ADAMTS1: variants seen among roughly 807,000 people sequenced by gnomAD.
ADAMTS1 encodes ADAM metallopeptidase with thrombospondin type 1 motif 1, also known as A disintegrin and metalloproteinase with thrombospondin motifs 1.
ADAMTS1 carries 19 observed loss-of-function variants against 87.9 expected under a neutral mutation model. The observed-to-expected ratio is 0.22, with a 90% CI of 0.15 to 0.32. The LOEUF (loss-of-function observed/expected upper bound fraction) is 0.32. Ranked by LOEUF, ADAMTS1 falls within the 10% of genes least tolerant of loss-of-function variation. The probability of loss-of-function intolerance (pLI) is 1.00; values close to 1 mark genes in which losing one functional copy is unlikely to be tolerated. For synonymous variants in ADAMTS1, 542 were observed against 501.8 expected (o/e 1.08, Z -1.07); for missense variants, 1,240 against 1,259.1 (o/e 0.98, Z 0.23).
At chr21:26,839,439 T>G in intron 7 of ADAMTS1, 148 bp downstream of exon 7, 1 of 711,978 alleles carries the variant, frequency 1.4e-6, no homozygotes, top group Non-Finnish European at 2.2e-6. Context: ...AGCAGGCAGT[T>G]GCCAATTAAT....
In ADAMTS1 at chr21:26,840,042, C is replaced by A. The variant is rs745808949; in HGVS notation, c.1685G>T (p.Trp562Leu). The A allele has an allele frequency of 6.2e-7, 1 of 1,613,346 alleles. No homozygotes were observed. Among genetic ancestry groups the A allele is most frequent in the Non-Finnish European group, 8.5e-7 (1 of 1,179,826 alleles). ...GTCTCCCCAAGGCCCCCACATTCCC[C>A]AGCTTCCATGAAAAGGCGTCTAAAT... ...KHFDTPFHGS[W>L]GMWGPWGDCS... Residue 562 changes from tryptophan to leucine, a missense_variant, in exon 6 of 9, where the codon TGG (tryptophan) becomes TTG (leucine). Around this residue, in one of 3 missense-constraint regions of ADAMTS1, gnomAD observed 317 missense variants for 410.3 expected, o/e 0.77. Transcript: ENST00000284984.
chr21:26,842,814 A>G (rs1204299639), intron 1 of ADAMTS1, 129 bp from the exon 2 acceptor site: 1 of 714,072 alleles, frequency 1.4e-6, no homozygotes, highest in East Asian at 2.7e-5. Flanking sequence ...AACAATAACA[A>G]AAATATTTGC....
At chr21:26,843,712 CAG>C (rs763294999) in intron 1 of ADAMTS1, 88 of 499,842 alleles carry the variant, frequency 1.8e-4, no homozygotes, top group Admixed American at 7.1e-4. Flanking sequence ...GTCTGCAGAA[CAG>C]AGATCCTAGC....
At position 26,838,530 on chromosome 21, in the gene ADAMTS1, T is replaced by G; in HGVS notation, c.2113A>C (p.Ile705Leu). The G allele has an allele frequency of 6.2e-7, 1 of 1,614,194 alleles. No homozygotes were observed. The highest frequency in any genetic ancestry group is 8.5e-7 in the Non-Finnish European group (1 of 1,180,028). ...QCVKAGCDRI[I>L]DSKKKFDKCG... Reference sequence around the variant, plus strand: ...TTATCAAACTTCTTTTTGGAGTCTATGATGCGATCACAACCAGCTTTTACA... The same window carrying G: ...TTATCAAACTTCTTTTTGGAGTCTAGGATGCGATCACAACCAGCTTTTACA... The change falls in exon 8 of 9, where the codon ATA (isoleucine) becomes CTA (leucine). Residue 705 changes from isoleucine to leucine, a missense_variant. Physicochemically the swap from Ile to Leu is conservative, Grantham distance 5. Coordinates refer to ENST00000284984, the MANE Select transcript of ADAMTS1 (RefSeq NM_006988.5).
chr21:26,840,878 G>C (rs1230291951), intron 4 of ADAMTS1, 120 bp downstream of exon 4: 1 of 1,263,376 alleles, frequency 7.9e-7, no homozygotes, highest in Non-Finnish European at 1.1e-6. Context: ...GATCTTGACA[G>C]AGGAAAAGTA....
At chr21:26,838,686 AT>A in intron 7 of ADAMTS1, 72 bp from the exon 8 acceptor site, 3 of 1,460,846 alleles carry the variant, frequency 2.1e-6, no homozygotes, top group Non-Finnish European at 2.8e-6. Flanking sequence ...AAGTGTAAAC[AT>A]TTTCTCTCTA....
chr21:26,837,594 C>T lies in ADAMTS1; in HGVS notation c.2889G>A (p.Met963Ile). The stretch of plus-strand genomic sequence containing the variant: ...CTTAAACCACTTAACTGCATTCTGC[C>T]ATTGTGCAAAAGTCTATGAAATGTT... ...KPKHFIDFCT[M>I]AECS The change falls in exon 9 of 9, where the codon ATG becomes ATA. Residue 963 changes from methionine to isoleucine, a missense_variant. Physicochemically the swap from Met to Ile is conservative, Grantham distance 10 (BLOSUM62 1). Transcript: ENST00000284984. 6.2e-7 allele frequency: 1 copy of T among 1,613,966 alleles called. No homozygotes were observed. Among genetic ancestry groups the T allele is most frequent in the South Asian group, 1.1e-5 (1 of 91,066 alleles).
chr21:26,839,361 G>A (rs532733963), intron 7 of ADAMTS1: 38 of 434,954 alleles, frequency 8.7e-5, no homozygotes, highest in Admixed American at 1.6e-4. Flanking sequence ...AAGAGTAATA[G>A]CGAGCAATTG....
chr21:26,844,880 C>T lies in ADAMTS1; in HGVS notation c.75G>A (p.Pro25=). The T allele has an allele frequency of 2.6e-6, 4 of 1,539,328 alleles. No individual in the cohort carries two copies. The highest frequency in any genetic ancestry group is 1.2e-5 in the South Asian group (1 of 83,042). ...GSDMGNAERA[P]GSRSFGPVPT... ...GTACTGGCCCAAAGCTCCGAGACCCCGGAGCCCGCTCCGCGTTCCCCATGT... is the reference window on the plus strand; with the variant it reads ...GTACTGGCCCAAAGCTCCGAGACCCTGGAGCCCGCTCCGCGTTCCCCATGT... Residue 25 remains proline, a synonymous_variant, in exon 1 of 9, where the codon CCG becomes CCA. Transcript: ENST00000284984.
At position 26,844,317 on chromosome 21, in the gene ADAMTS1, G is replaced by C. The variant is rs565366815; in HGVS notation, c.638C>G (p.Thr213Ser). 1.9e-5 allele frequency: 30 copies of C among 1,609,188 alleles called. No homozygotes were observed. In the East Asian group the frequency reaches 6.5e-4, roughly 35 times the overall value. ...CTCAGTCCCTTCGTCCTCGTCTTCG[G>C]TCTCCGCTTTCCCAGTCGGCCGGGG... The part of the protein sequence containing the change: ...DEPRPTGKAE[T>S]EDEDEGTEGE... Residue 213 changes from threonine (T) to serine (S), a missense_variant, in exon 1 of 9, where the codon ACC (threonine) becomes AGC (serine). Physicochemically the swap from Thr to Ser is moderately conservative, Grantham distance 58. Coordinates refer to ENST00000284984, the MANE Select transcript of ADAMTS1 (RefSeq NM_006988.5).
In ADAMTS1 at chr21:26,841,936, C is replaced by A. The variant is rs200977557; in HGVS notation, c.1132G>T (p.Val378Leu). The A allele has an allele frequency of 2.1e-4, 333 of 1,614,156 alleles. 4 individuals carry two copies. In the South Asian group the frequency reaches 3.3e-3, roughly 16 times the overall value. ...GAGCAGCTTCTGCTCGGATCACACACAGTTCCAACATCAGCCATCCCAAGA... is the reference window on the plus strand; with the variant it reads ...GAGCAGCTTCTGCTCGGATCACACAAAGTTCCAACATCAGCCATCCCAAGA... ...DTLGMADVGT[V>L]CDPSRSCSVI... Residue 378 changes from valine (V) to leucine (L), a missense_variant, in exon 3 of 9, where the codon GTG becomes TTG. Around this residue, in one of 3 missense-constraint regions of ADAMTS1, gnomAD observed 317 missense variants for 410.3 expected, o/e 0.77. Coordinates refer to ENST00000284984, the MANE Select transcript of ADAMTS1 (RefSeq NM_006988.5).
In ADAMTS1 at chr21:26,837,875, A is replaced by G. The variant is rs1985403966; in HGVS notation, c.2608T>C (p.Cys870Arg). 1.2e-6 allele frequency: 2 copies of G among 1,614,042 alleles called. No individual in the cohort carries two copies. The highest frequency in any genetic ancestry group is 1.7e-5 in the Admixed American group (1 of 60,000). Residue 870 changes from cysteine to arginine, a missense_variant, in exon 9 of 9, where the codon TGT becomes CGT. This residue lies in a region of ADAMTS1 where 402 missense variants were observed against 399.1 expected (regional missense o/e 1.01). Transcript: ENST00000284984. ...IEEWGECSKS[C>R]ELGWQRRLVE... Reference sequence around the variant, plus strand: ...AGTCTTCTCTGCCAACCCAATTCACATGACTTAGAACATTCGCCCCACTCT... The same window carrying G: ...AGTCTTCTCTGCCAACCCAATTCACGTGACTTAGAACATTCGCCCCACTCT...
In ADAMTS1 at chr21:26,838,062, T is replaced by C; in HGVS notation, c.2421A>G (p.Ala807=). ...GGCTAAAGCTGCGAATTCTTTCCAA[T>C]GCCGCAGAGGAGCCGCTGTACCTCA... The part of the protein sequence containing the change: ...VVLRYSGSSA[A]LERIRSFSPL... Residue 807 remains alanine (A), a synonymous_variant, in exon 9 of 9, where the codon GCA becomes GCG. Transcript: ENST00000284984. The C allele has an allele frequency of 1.9e-6, 3 of 1,614,182 alleles. No homozygotes were observed. The highest frequency in any genetic ancestry group is 1.6e-4 in the Middle Eastern group (1 of 6,062).
intron 5 of ADAMTS1, 57 bp downstream of exon 5, chr21:26,840,219 C>A: frequency 6.3e-7 from 1 of 1,579,274 alleles, no homozygotes; most frequent in Non-Finnish European, 8.6e-7. Context: ...GGTATCATAT[C>A]TTTTACCATC....
rs1245775487 is a variant in ADAMTS1 at position 26,837,327 on chromosome 21, T to C, written c.*252A>G. ...GTAACAAAAGAAATAATAATAATAA[T>C]GCCCGGGGCTTTATTATGCTATATC... On this transcript the variant is annotated 3_prime_UTR_variant, in exon 9 of 9. Transcript: ENST00000284984. 1 of 407,928 alleles carries C rather than the reference T, an allele frequency of 2.5e-6. No homozygotes were observed. The highest frequency in any genetic ancestry group is 4.4e-6 in the Non-Finnish European group (1 of 228,980). 25.3% of individuals were successfully genotyped at this position (407,928 alleles called of 1,614,324 possible).
Position 26,838,036 on chromosome 21 carries a change from G to T in ADAMTS1, c.2447C>A (p.Pro816His), listed in dbSNP as rs1306947801. Residue 816 changes from proline to histidine, a missense_variant, in exon 9 of 9, where the codon CCT (proline) becomes CAT (histidine). Pro to His is a moderately conservative substitution (Grantham distance 77, BLOSUM62 -2). Coordinates refer to ENST00000284984, the MANE Select transcript of ADAMTS1 (RefSeq NM_006988.5). ...AALERIRSFSPLKEPLTIQVL... is the reference protein window; with the variant it reads ...AALERIRSFSHLKEPLTIQVL... ...CTGGATGGTCAAGGGCTCTTTGAGA[G>T]GGCTAAAGCTGCGAATTCTTTCCAA... 6.2e-7 allele frequency: 1 copy of T among 1,614,232 alleles called. No individual in the cohort carries two copies.
At position 26,839,904 on chromosome 21, in the gene ADAMTS1, C is replaced by T; in HGVS notation, c.1823G>A (p.Cys608Tyr). The change falls in exon 6 of 9, where the codon TGT becomes TAT. Residue 608 changes from cysteine (C) to tyrosine (Y), a missense_variant. Cys to Tyr is a radical substitution (Grantham distance 194). Coordinates refer to ENST00000284984, the MANE Select transcript of ADAMTS1 (RefSeq NM_006988.5). ...CEGKRVRYRSCNLEDCPDNNG... is the reference protein window; with the variant it reads ...CEGKRVRYRSYNLEDCPDNNG... ...ATTGTCTGGACAGTCCTCAAGGTTA[C>T]AGGATCTGTAGCGCACTCGTTTGCC... 1 of 1,614,032 alleles carries T rather than the reference C, an allele frequency of 6.2e-7. No homozygotes were observed. Among genetic ancestry groups the T allele is most frequent in the Non-Finnish European group, 8.5e-7 (1 of 1,180,008 alleles).
chr21:26,841,191 TA>T (rs1475719519), intron 3 of ADAMTS1, 26 bp from the exon 4 acceptor site: 1 of 1,611,062 alleles, frequency 6.2e-7, no homozygotes, highest in Non-Finnish European at 8.5e-7. Context: ...GAACCCACAT[TA>T]AAGTATGGAT....
rs1374895148 is a variant in ADAMTS1, at chr21:26,839,584, T to C, written c.2028+3A>G. ...AGGTAAAAATAAGGTAAAAACGAAC[T>C]ACCTTGGGCTGCAAAACGAAGAAGT... On this transcript the variant is annotated splice_donor_region_variant and intron_variant, in intron 7 of 8. Coordinates refer to ENST00000284984, the MANE Select transcript of ADAMTS1 (RefSeq NM_006988.5). 1 of 1,530,826 alleles carries C rather than the reference T, an allele frequency of 6.5e-7. No homozygotes were observed. Among genetic ancestry groups the C allele is most frequent in the Non-Finnish European group, 8.8e-7 (1 of 1,134,398 alleles). 94.8% of individuals were successfully genotyped at this position (1,530,826 alleles called of 1,614,324 possible). A position where few individuals can be genotyped will look rare whatever the true frequency, so the allele number is the denominator to read the frequency against.
Sources: gnomAD v4.1 joint callset for allele counts on GRCh38, gnomAD v4.1.1 for gene constraint, gnomAD v4.1.1 regional missense constraint, MANE v1.5 for transcripts, NCBI Gene and HGNC (gene_info 2026-07-23, HGNC 2026-07-21) for gene names.